The following NRP2 variants were observed in gnomAD, a reference collection of about 807,000 sequenced individuals.
NRP2 encodes neuropilin 2.
A neutral mutation model predicts 110.4 loss-of-function variants in NRP2; 52 were observed. That is an observed-to-expected ratio of 0.47 (90% CI 0.38 to 0.59). The LOEUF is 0.59. Ranked by LOEUF, NRP2 falls within the 20% of genes least tolerant of loss-of-function variation. The probability of loss-of-function intolerance (pLI) is 0.00; values close to 1 mark genes in which losing one functional copy is unlikely to be tolerated. For synonymous variants in NRP2, 508 were observed against 468.9 expected, an observed-to-expected ratio of 1.08 and a Z score of -1.08; for missense variants, 1,049 against 1,203.0, an observed-to-expected ratio of 0.87 and a Z score of 1.89.
intron 15 of NRP2, among the ~76,000 whole-genome samples, chr2:205,775,021 C>A (rs534432809): frequency 3.3e-5 from 5 of 152,246 alleles, no homozygotes; most frequent in African/African-American, 1.2e-4. Context: ...AGGGTAGGAC[C>A]ACTAATGCAT....
intron 7 of NRP2, among the ~76,000 whole-genome samples, chr2:205,733,966 T>C (rs954834394): frequency 1.8e-4 from 27 of 152,212 alleles, no homozygotes; most frequent in Admixed American, 8.5e-4. Context: ...CAGATGGGGA[T>C]GCGCACATCC....
At chr2:205,727,633 C>T (rs543400768) in intron 6 of NRP2, among the ~76,000 whole-genome samples, 1 of 152,172 alleles carries the variant, frequency 6.6e-6, no homozygotes, top group Non-Finnish European at 1.5e-5. Context: ...TGAGAAAAAT[C>T]GAGTATTGTC....
chr2:205,729,864 A>G (rs772052689), intron 7 of NRP2, among the ~76,000 whole-genome samples: 1 of 152,118 alleles, frequency 6.6e-6, no homozygotes, highest in Non-Finnish European at 1.5e-5. Flanking sequence ...CATAATGGAT[A>G]TATTCTCTCT....
intron 8 of NRP2, among the ~76,000 whole-genome samples, chr2:205,742,135 A>G (rs1458543114): frequency 6.6e-6 from 1 of 152,236 alleles, no homozygotes; most frequent in Non-Finnish European, 1.5e-5. Flanking sequence ...AAAGGAGAGA[A>G]CCAGTGATTT....
intron 1 of NRP2, among the ~76,000 whole-genome samples, chr2:205,690,682 AG>A (rs1321966532): frequency 1.3e-5 from 2 of 151,830 alleles, no homozygotes; most frequent in Non-Finnish European, 2.9e-5. Flanking sequence ...TGGGAGGCTA[AG>A]GCAGGAAAAT....
At chr2:205,733,229 C>G (rs920020493) in intron 7 of NRP2, among the ~76,000 whole-genome samples, 1 of 152,166 alleles carries the variant, frequency 6.6e-6, no homozygotes, top group Admixed American at 6.5e-5. Flanking sequence ...ATCAGGCTCC[C>G]GCGGCCAGCG....
At chr2:205,684,827 G>A (rs1036894980) in intron 1 of NRP2, among the ~76,000 whole-genome samples, 4 of 152,350 alleles carry the variant, frequency 2.6e-5, no homozygotes, top group African/African-American at 9.6e-5. Context: ...AGACCTGGAT[G>A]CTGCGTAAAT....
intron 15 of NRP2, chr2:205,776,858 C>A: frequency 1.6e-6 from 2 of 1,250,608 alleles, no homozygotes; most frequent in Non-Finnish European, 2.0e-6. Flanking sequence ...TTGTTTTTTC[C>A]CCTTGCCTTA....
At chr2:205,782,276 G>A (rs1174417962) in intron 15 of NRP2, among the ~76,000 whole-genome samples, 1 of 152,106 alleles carries the variant, frequency 6.6e-6, no homozygotes, top group Non-Finnish European at 1.5e-5. Context: ...CAAGAAATAG[G>A]AAAGACCATT....
chr2:205,747,753 C>G (rs2057564904), intron 10 of NRP2, among the ~76,000 whole-genome samples: 1 of 152,196 alleles, frequency 6.6e-6, no homozygotes. Context: ...CCCCCCATCC[C>G]TTGCCCTTCA....
Position 205,795,241 on chromosome 2 carries a change from A to T in NRP2, c.*183A>T. The T allele has an allele frequency of 1.5e-6, 1 of 687,904 alleles. No individual in the cohort carries two copies. The highest frequency in any genetic ancestry group is 1.8e-5 in the African/African-American group (1 of 56,810). The allele number at this position is 687,904 out of a possible 1,614,324, so 42.6% of individuals were successfully genotyped here. A position where few individuals can be genotyped will look rare whatever the true frequency, so the allele number is the denominator to read the frequency against. ...GAAGGGAGATGCAGCCGCACAGGGGATGATTACCCTCCTAGGACCGCGGTG... is the reference window on the plus strand; with the variant it reads ...GAAGGGAGATGCAGCCGCACAGGGGTTGATTACCCTCCTAGGACCGCGGTG... On this transcript the variant is annotated 3_prime_UTR_variant, in exon 17 of 17. Coordinates refer to ENST00000357785, the MANE Select transcript of NRP2 (RefSeq NM_003872.3).
chr2:205,759,276 CAG>C (rs910445011), intron 12 of NRP2, among the ~76,000 whole-genome samples: 2 of 152,172 alleles, frequency 1.3e-5, no homozygotes, highest in Non-Finnish European at 2.9e-5. Context: ...AGTTGGAAAA[CAG>C]AAATTGGCTA....
chr2:205,725,194 A>G lies in NRP2; in HGVS notation c.821-719A>G, dbSNP rs1442732887. ...ACCAGGTCCCGTGAATGGTCAGTGC[A>G]GTCACAGAGTAAAGAATAGGTTGAT... On this transcript the variant is annotated intron_variant, in intron 5 of 16. Transcript: ENST00000357785. The surrounding 1 kb of genome is among the most constrained non-coding windows in gnomAD (Gnocchi z 4.1). Among the ~76,000 whole-genome samples the G allele has an allele frequency of 6.6e-6, 1 of 152,240 alleles. No individual in the cohort carries two copies. Among genetic ancestry groups the G allele is most frequent in the East Asian group, 1.9e-4 (1 of 5,202 alleles).
chr2:205,708,896 G>A (rs1244720144), intron 2 of NRP2, among the ~76,000 whole-genome samples: 1 of 152,194 alleles, frequency 6.6e-6, no homozygotes, highest in Non-Finnish European at 1.5e-5. Context: ...AAGGCGCTTG[G>A]TACTGATGCA....
intron 13 of NRP2, among the ~76,000 whole-genome samples, chr2:205,764,652 T>A (rs183901869): frequency 4.2e-4 from 64 of 152,260 alleles, no homozygotes; most frequent in African/African-American, 1.4e-3. Flanking sequence ...CCAGAGGACA[T>A]GTGCTAGTTT....
chr2:205,723,331 T>C (rs896310188), intron 4 of NRP2, among the ~76,000 whole-genome samples: 2 of 152,210 alleles, frequency 1.3e-5, no homozygotes, highest in Non-Finnish European at 2.9e-5. Flanking sequence ...GTAAGTTTTT[T>C]CTAATATAAA....
rs1346420411 is a variant in NRP2 at position 205,797,518 on chromosome 2, T to C, written c.*2460T>C. ...AAAAGTCCTATATCCATATTCACCA[T>C]TGGCTAATTTGAGGCCCTGAGTGGG... On this transcript the variant is annotated 3_prime_UTR_variant, in exon 17 of 17. Transcript: ENST00000357785. 2 of 152,288 alleles carry C rather than the reference T, an allele frequency of 1.3e-5. No homozygotes were observed. The highest frequency in any genetic ancestry group is 6.5e-5 in the Admixed American group (1 of 15,280). The allele number at this position is 152,288 out of a possible 1,614,324, so 9.4% of individuals were successfully genotyped here.
intron 15 of NRP2, chr2:205,776,355 G>A (rs2058098379): frequency 1.2e-6 from 2 of 1,612,944 alleles, no homozygotes; most frequent in Admixed American, 1.7e-5. Context: ...TGCTGGTGCT[G>A]GTCTCCGTCG....
chr2:205,776,089 G>T, intron 15 of NRP2: 1 of 798,410 alleles, frequency 1.3e-6, no homozygotes, highest in South Asian at 1.4e-5. Flanking sequence ...GTTGAGAAGT[G>T]CTTGGCAGGT....
Sources: allele counts gnomAD v4.1 joint callset (sites outside exome capture counted in the v4.1 genomes callset), GRCh38; gene constraint gnomAD v4.1.1; non-coding constraint Gnocchi (gnomAD v3.1); transcripts MANE v1.5; gene names NCBI Gene and HGNC (gene_info 2026-07-23, HGNC 2026-07-21).